Variants in GSR observed in about 807,000 individuals in gnomAD.
GSR encodes the protein glutathione-disulfide reductase, also known as glutathione reductase, mitochondrial.
In GSR, 48 loss-of-function variants were observed where a neutral mutation model predicts 56.5. The observed-to-expected ratio is 0.85, with a 90% confidence interval of 0.67 to 1.08. GSR has a LOEUF of 1.08. Among genes scored for constraint, GSR ranks in the 50% least tolerant of loss-of-function variants. The pLI, the probability that GSR is intolerant of heterozygous loss-of-function variation, is 0.00. For missense variants in GSR, 694 were observed against 703.3 expected, an observed-to-expected ratio of 0.99 and a Z score of 0.15; for synonymous variants, 264 against 270.8, an observed-to-expected ratio of 0.97 and a Z score of 0.25.
chr8:30,716,667 G>A (rs1403022446), intron 1 of GSR, among the ~76,000 whole-genome samples: 1 of 152,108 alleles, frequency 6.6e-6, no homozygotes, highest in Non-Finnish European at 1.5e-5. Context: ...AATTAGCCAG[G>A]TGTGATAGTG....
intron 12 of GSR, among the ~76,000 whole-genome samples, chr8:30,680,670 C>T (rs1006186578): frequency 1.3e-5 from 2 of 151,874 alleles, no homozygotes; most frequent in East Asian, 3.9e-4. Context: ...GCTGGGATTA[C>T]AGGTGTGAGC....
intron 3 of GSR, among the ~76,000 whole-genome samples, chr8:30,709,327 T>C (rs1261756770): frequency 6.6e-6 from 1 of 152,186 alleles, no homozygotes; most frequent in Admixed American, 6.5e-5. Context: ...ATTGCACCAC[T>C]GCACTCCAGC....
rs111509097 is a variant in GSR at position 30,701,605 on chromosome 8, C to T, written c.641-1470G>A. Reference sequence around the variant, plus strand: ...AGGAGTTTGAGACTGGCCTGGACAACGTGGCAAAACCCCACCTCCACTAAA... The same window carrying T: ...AGGAGTTTGAGACTGGCCTGGACAATGTGGCAAAACCCCACCTCCACTAAA... On this transcript the variant is annotated intron_variant, in intron 5 of 12. Coordinates refer to ENST00000221130, the MANE Select transcript of GSR (RefSeq NM_000637.5). Among the ~76,000 whole-genome samples, 1,321 of 150,426 alleles carry T rather than the reference C, an allele frequency of 8.8e-3. 21 individuals are homozygous for T. Among genetic ancestry groups the T allele is most frequent in the African/African-American group, 0.03 (1,219 of 41,256 alleles).
At chr8:30,697,037 A>G (rs890033204) in intron 6 of GSR, among the ~76,000 whole-genome samples, 2 of 151,716 alleles carry the variant, frequency 1.3e-5, no homozygotes, top group African/African-American at 4.8e-5. Flanking sequence ...CTGTTCCAAG[A>G]TCCAATCCTG....
intron 8 of GSR, among the ~76,000 whole-genome samples, chr8:30,690,156 A>ATT (rs772516745): frequency 0.013 from 1,367 of 109,146 alleles, 19 homozygotes; most frequent in East Asian, 0.053. Context: ...AAATAAAATA[A>ATT]TATATTTATT....
intron 1 of GSR, among the ~76,000 whole-genome samples, chr8:30,716,572 C>T (rs1344379026): frequency 2.0e-5 from 3 of 152,162 alleles, no homozygotes; most frequent in Non-Finnish European, 4.4e-5. Context: ...CTTTGGGAGG[C>T]CAAGGCAGGT....
At chr8:30,707,693 G>A (rs1012071436) in intron 4 of GSR, among the ~76,000 whole-genome samples, 11 of 151,826 alleles carry the variant, frequency 7.2e-5, no homozygotes, top group African/African-American at 2.7e-4. Flanking sequence ...AGTGGCTCAT[G>A]CCTGTAATCT....
Position 30,689,173 on chromosome 8 carries a change from A to T in GSR, c.1029T>A (p.Ser343Arg), listed in dbSNP as rs755389522. The change falls in exon 9 of 13, where the codon AGT becomes AGA. Residue 343 changes from serine (S) to arginine (R), a missense_variant. Physicochemically the swap from Ser to Arg is moderately radical, Grantham distance 110 (BLOSUM62 -1). Transcript: ENST00000221130. ...IGRVPNTKDL[S>R]LNKLGIQTDD... ...CAAGCCAGCTTACCAGTTTGTTTAA[A>T]CTCAGGTCCTTGGTATTCGGGACCC... The T allele has an allele frequency of 7.1e-5, 114 of 1,613,928 alleles. No individual in the cohort carries two copies. The highest frequency in any genetic ancestry group is 9.5e-5 in the Non-Finnish European group (112 of 1,179,980).
chr8:30,689,676 G>T (rs1001385572), intron 8 of GSR, among the ~76,000 whole-genome samples: 3 of 150,930 alleles, frequency 2.0e-5, no homozygotes, highest in Non-Finnish European at 4.4e-5. Context: ...GTAGGCCACG[G>T]CAGCATCACT....
At chr8:30,681,554 C>G (rs533341460) in intron 11 of GSR, among the ~76,000 whole-genome samples, 1 of 151,506 alleles carries the variant, frequency 6.6e-6, no homozygotes, top group Non-Finnish European at 1.5e-5. Flanking sequence ...AAATGATACT[C>G]GGTTTATGTA....
At chr8:30,706,396 G>A (rs373307542) in intron 4 of GSR, among the ~76,000 whole-genome samples, 5 of 152,056 alleles carry the variant, frequency 3.3e-5, no homozygotes, top group Admixed American at 2.0e-4. Context: ...CCAGCTACTC[G>A]GGAGGCTGAG....
At chr8:30,712,692 C>A (rs1804196178) in intron 1 of GSR, among the ~76,000 whole-genome samples, 1 of 152,118 alleles carries the variant, frequency 6.6e-6, no homozygotes, top group African/African-American at 2.4e-5. Context: ...AAAAGAAACA[C>A]ACACACAAAG....
intron 9 of GSR, 128 bp downstream of exon 9, chr8:30,689,033 T>G: frequency 1.3e-6 from 1 of 784,968 alleles, no homozygotes; most frequent in Middle Eastern, 2.8e-4. Flanking sequence ...GATCACAAAC[T>G]GAATACATGG....
chr8:30,700,723 CAAAAAAAAAAAAAAA>C (rs55702917), intron 5 of GSR, among the ~76,000 whole-genome samples: 23 of 80,044 alleles, frequency 2.9e-4, no homozygotes, highest in Non-Finnish European at 4.9e-4. Context: ...ATTTTGTCTC[CAAAAAAAAAAAAAAA>C]AAAAAAAAAA....
chr8:30,690,255 A>G (rs1803338329), intron 8 of GSR, among the ~76,000 whole-genome samples: 2 of 150,726 alleles, frequency 1.3e-5, no homozygotes, highest in South Asian at 4.2e-4. Flanking sequence ...AGCCTCCTGG[A>G]CTCAAGCTCT....
rs150339951 is a variant in GSR, at chr8:30,725,307, C to T, written c.306+2223G>A. On this transcript the variant is annotated intron_variant, in intron 1 of 12. Transcript: ENST00000221130. ...AACAATAAATAAAATAAAAACAGGC[C>T]AGGCGTGGTGGCTCACGCCTGTAAT... Among the ~76,000 whole-genome samples, 1,466 of 151,890 alleles carry T rather than the reference C, an allele frequency of 9.7e-3. 25 individuals are homozygous for T. Among genetic ancestry groups the T allele is most frequent in the African/African-American group, 0.034 (1,389 of 41,406 alleles).
intron 1 of GSR, among the ~76,000 whole-genome samples, chr8:30,726,313 G>T (rs948200150): frequency 6.6e-6 from 1 of 152,100 alleles, no homozygotes; most frequent in Admixed American, 6.6e-5. Flanking sequence ...TCCTTAAAGA[G>T]CTCCCAATTT....
At chr8:30,714,856 T>A (rs969103269) in intron 1 of GSR, among the ~76,000 whole-genome samples, 6 of 152,142 alleles carry the variant, frequency 3.9e-5, no homozygotes, top group Non-Finnish European at 8.8e-5. Flanking sequence ...GGAAAACAGT[T>A]TAATGATCAC....
chr8:30,692,314 C>A (rs1803410223), intron 8 of GSR, among the ~76,000 whole-genome samples: 1 of 142,648 alleles, frequency 7.0e-6, no homozygotes, highest in African/African-American at 2.6e-5. Context: ...AAGTGATGCT[C>A]CTGCCCCGAG....
Sources: allele counts gnomAD v4.1 joint callset (sites outside exome capture counted in the v4.1 genomes callset), GRCh38; gene constraint gnomAD v4.1.1; transcripts MANE v1.5; gene names NCBI Gene and HGNC (gene_info 2026-07-23, HGNC 2026-07-21).